The following CLYBL variants were observed in gnomAD, a reference collection of about 807,000 sequenced individuals.
The protein encoded by CLYBL is citramalyl-CoA lyase, mitochondrial.
Under a neutral mutation model 38.9 loss-of-function variants are expected in CLYBL, and 31 were observed. That is an observed-to-expected ratio of 0.80 (90% CI 0.60 to 1.08). CLYBL has a LOEUF of 1.08. CLYBL is among the 50% of genes least tolerant of loss of function. The probability of loss-of-function intolerance (pLI) is 0.00; values close to 1 mark genes in which losing one functional copy is unlikely to be tolerated. For synonymous variants in CLYBL, 171 were observed against 158.6 expected (o/e 1.08, Z -0.59); for missense variants, 434 against 411.6 (o/e 1.05, Z -0.47).
intron 2 of CLYBL, among the ~76,000 whole-genome samples, chr13:99,831,558 A>T (rs1258423380): frequency 6.6e-6 from 1 of 152,164 alleles, no homozygotes; most frequent in Admixed American, 6.5e-5. Context: ...AATAAAATTT[A>T]AAAAATGAAC....
At chr13:99,876,420 CAAAAAAAAAAAAA>C (rs35512772) in intron 7 of CLYBL, among the ~76,000 whole-genome samples, 4 of 70,116 alleles carry the variant, frequency 5.7e-5, no homozygotes, top group African/African-American at 1.3e-4. Flanking sequence ...GACTCCGTCT[CAAAAAAAAAAAAA>C]AAAAAAAAGA....
intron 2 of CLYBL, among the ~76,000 whole-genome samples, chr13:99,793,659 A>C (rs2049963911): frequency 6.6e-6 from 1 of 152,188 alleles, no homozygotes. Flanking sequence ...AAGGATTCAA[A>C]TATCTCTATT....
At chr13:99,649,558 C>T (rs1165252871) in intron 1 of CLYBL, among the ~76,000 whole-genome samples, 2 of 152,164 alleles carry the variant, frequency 1.3e-5, no homozygotes, top group Admixed American at 1.3e-4. Flanking sequence ...TGATGGAGGA[C>T]TTATGTGTTA....
intron 2 of CLYBL, among the ~76,000 whole-genome samples, chr13:99,804,469 GT>G (rs971041680): frequency 8.6e-5 from 13 of 151,224 alleles, no homozygotes; most frequent in Admixed American, 2.0e-4. Flanking sequence ...ACCTCTAACT[GT>G]TTTTTTTTCC....
At chr13:99,697,406 G>A (rs2047996035) in intron 1 of CLYBL, among the ~76,000 whole-genome samples, 1 of 152,098 alleles carries the variant, frequency 6.6e-6, no homozygotes, top group Admixed American at 6.5e-5. Context: ...AGACAAGGTC[G>A]CTGTCTGTCA....
chr13:99,816,595 T>C (rs2050452721), intron 2 of CLYBL, among the ~76,000 whole-genome samples: 2 of 152,238 alleles, frequency 1.3e-5, no homozygotes, highest in East Asian at 3.9e-4. Flanking sequence ...GGTCATGAGA[T>C]GGAGCCCACA....
At chr13:99,837,572 T>A (rs1191291408) in intron 2 of CLYBL, among the ~76,000 whole-genome samples, 1 of 152,220 alleles carries the variant, frequency 6.6e-6, no homozygotes, top group African/African-American at 2.4e-5. Flanking sequence ...CAAGTAGAAA[T>A]GTCACCTAGT....
At position 99,858,972 on chromosome 13, in the gene CLYBL, G is replaced by C. The variant is rs1483324912; in HGVS notation, c.361G>C (p.Glu121Gln). The C allele has an allele frequency of 3.7e-6, 6 of 1,614,014 alleles. No individual in the cohort carries two copies. Among genetic ancestry groups the C allele is most frequent in the Non-Finnish European group, 5.1e-6 (6 of 1,180,010 alleles). ...VSSGLAEEDL[E>Q]TLLQSRVLPS... The stretch of plus-strand genomic sequence containing the variant: ...CAGTGGTCTGGCGGAAGAAGACCTA[G>C]AGACCCTTTTGCAATCCCGGGTCCT... The change falls in exon 3 of 9, where the codon GAG becomes CAG. Residue 121 changes from glutamate (E) to glutamine (Q), a missense_variant. By Grantham distance (29) the Glu-to-Gln change is conservative. Coordinates refer to ENST00000339105, the MANE Select transcript of CLYBL (RefSeq NM_206808.5).
intron 1 of CLYBL, among the ~76,000 whole-genome samples, chr13:99,618,929 C>T (rs1299153654): frequency 6.6e-6 from 1 of 152,120 alleles, no homozygotes; most frequent in South Asian, 2.1e-4. Flanking sequence ...GTGCCTATTC[C>T]ATATTTTATT....
intron 3 of CLYBL, among the ~76,000 whole-genome samples, chr13:99,860,358 A>G (rs113230448): frequency 0.012 from 1,828 of 152,216 alleles, 39 homozygotes; most frequent in African/African-American, 0.042. Context: ...AGCTGCTGCT[A>G]TACAGTTTCT....
intron 1 of CLYBL, among the ~76,000 whole-genome samples, chr13:99,632,139 A>C (rs938399988): frequency 2.0e-5 from 3 of 152,334 alleles, no homozygotes; most frequent in Middle Eastern, 3.4e-3. Context: ...CAGTCAGAAA[A>C]TTAAGAGGGA....
At chr13:99,642,815 G>A (rs1256590106) in intron 1 of CLYBL, among the ~76,000 whole-genome samples, 3 of 151,266 alleles carry the variant, frequency 2.0e-5, no homozygotes, top group African/African-American at 7.3e-5. Flanking sequence ...CTGGAGTGCA[G>A]TAGTGCAATC....
chr13:99,868,420 G>A (rs2051804793), intron 6 of CLYBL, among the ~76,000 whole-genome samples: 1 of 152,074 alleles, frequency 6.6e-6, no homozygotes, highest in South Asian at 2.1e-4. Context: ...AGAAAAAAAA[G>A]GAAAGGAAAA....
chr13:99,791,360 T>A (rs66493956), intron 2 of CLYBL, among the ~76,000 whole-genome samples: 69 of 146,598 alleles, frequency 4.7e-4, no homozygotes, highest in South Asian at 8.7e-4. Flanking sequence ...GTGTCTTTTT[T>A]AAAAAAAAAA....
intron 1 of CLYBL, among the ~76,000 whole-genome samples, chr13:99,761,606 T>C (rs1049743609): frequency 6.6e-6 from 1 of 152,256 alleles, no homozygotes; most frequent in Non-Finnish European, 1.5e-5. Context: ...TTGGCTATTA[T>C]GAATAGGGTA....
Position 99,746,256 on chromosome 13 carries a change from T to C in CLYBL, c.63-26568T>C, listed in dbSNP as rs565246243. Among the ~76,000 whole-genome samples the C allele has an allele frequency of 4.6e-5, 7 of 152,024 alleles. No individual in the cohort carries two copies. In the East Asian group the frequency reaches 1.4e-3, roughly 29 times the overall value. ...CAGGTTGACAGTCTTTCGTGACCTT[T>C]AAAAAAAAGTTAAGGAGAAACTGAT... On this transcript the variant is annotated intron_variant, in intron 1 of 8. Transcript: ENST00000339105.
At chr13:99,681,602 T>C (rs1290174755) in intron 1 of CLYBL, among the ~76,000 whole-genome samples, 1 of 152,226 alleles carries the variant, frequency 6.6e-6, no homozygotes, top group Admixed American at 6.5e-5. Flanking sequence ...TTTTATTTTT[T>C]TTGAGACAGA....
intron 1 of CLYBL, among the ~76,000 whole-genome samples, chr13:99,628,978 A>T (rs561893770): frequency 6.6e-6 from 1 of 152,288 alleles, no homozygotes; most frequent in East Asian, 1.9e-4. Context: ...TGTCGCAGCT[A>T]ATGTAGGGTG....
intron 2 of CLYBL, among the ~76,000 whole-genome samples, chr13:99,846,045 TA>T (rs199602639): frequency 8.0e-5 from 12 of 149,916 alleles, no homozygotes; most frequent in Admixed American, 4.0e-4. Flanking sequence ...CAACCAAGAA[TA>T]AAAAAAAATA....
Sources: allele counts gnomAD v4.1 joint callset (sites outside exome capture counted in the v4.1 genomes callset), GRCh38; gene constraint gnomAD v4.1.1; transcripts MANE v1.5; gene names NCBI Gene and HGNC (gene_info 2026-07-23, HGNC 2026-07-21).